The following CBFB variants were observed in gnomAD, a reference collection of about 807,000 sequenced individuals.
CBFB encodes the protein CBF-beta.
CBFB carries 9 observed loss-of-function variants against 30.4 expected under a neutral mutation model. The ratio of observed to expected loss-of-function variants is 0.30; its 90% CI spans 0.18 to 0.52. The LOEUF (loss-of-function observed/expected upper bound fraction) is 0.52. CBFB is among the 20% of genes least tolerant of loss of function. The probability of loss-of-function intolerance (pLI) is 0.97; values close to 1 mark genes in which losing one functional copy is unlikely to be tolerated. For missense variants in CBFB, 170 were observed against 244.0 expected (o/e 0.70, Z 2.02); for synonymous variants, 94 against 84.0 (o/e 1.12, Z -0.65).
At chr16:67,042,721 G>A (rs138657702) in intron 3 of CBFB, among the ~76,000 whole-genome samples, 16 of 152,218 alleles carry the variant, frequency 1.1e-4, no homozygotes, top group African/African-American at 3.9e-4. Context: ...AAAGAGTGAA[G>A]CCACCATGCC....
intron 3 of CBFB, among the ~76,000 whole-genome samples, chr16:67,041,900 CTTTT>C (rs577858550): frequency 1.8e-4 from 22 of 125,126 alleles, no homozygotes; most frequent in Admixed American, 1.6e-4. Context: ...TCCTGCCCTT[CTTTT>C]TTTTTTTTTT....
chr16:67,055,413 C>CT (rs1298027688), intron 3 of CBFB, among the ~76,000 whole-genome samples: 1 of 128,900 alleles, frequency 7.8e-6, no homozygotes, highest in Admixed American at 9.3e-5. Flanking sequence ...GTCGCCCAGG[C>CT]TGGAGTGCAG....
chr16:67,100,198 GGC>G lies in CBFB; in HGVS notation c.*1421_*1422del, dbSNP rs1962178629. On this transcript the variant is annotated 3_prime_UTR_variant, in exon 6 of 6. Transcript: ENST00000412916. The stretch of plus-strand genomic sequence containing the variant: ...TGAAAAATGTATTTTATCATTAAAT[GGC>G]ATTATTTTAAAGGGTGAAAAACTGA... The G allele has an allele frequency of 4.7e-6, 1 of 212,346 alleles. No homozygotes were observed. Among genetic ancestry groups the G allele is most frequent in the African/African-American group, 2.3e-5 (1 of 44,196 alleles). The allele number at this position is 212,346 out of a possible 1,614,324, so 13.2% of individuals were successfully genotyped here. A position where few individuals can be genotyped will look rare whatever the true frequency, so the allele number is the denominator to read the frequency against.
chr16:67,029,898 C>A, intron 2 of CBFB, 85 bp downstream of exon 2: 2 of 851,900 alleles, frequency 2.3e-6, no homozygotes, highest in Non-Finnish European at 3.3e-6. Context: ...GGCGGCGCGG[C>A]TGCTGCGGCT....
intron 5 of CBFB, among the ~76,000 whole-genome samples, chr16:67,093,950 G>T (rs1023727733): frequency 7.9e-5 from 12 of 152,110 alleles, no homozygotes; most frequent in African/African-American, 2.9e-4. Flanking sequence ...TTATTCAGCT[G>T]TTAAGTTCTA....
At chr16:67,072,084 A>G (rs540493599) in intron 4 of CBFB, among the ~76,000 whole-genome samples, 51 of 152,338 alleles carry the variant, frequency 3.3e-4, no homozygotes, top group Admixed American at 9.8e-4. Flanking sequence ...TATATCATTC[A>G]TAATGTAATA....
At position 67,092,698 on chromosome 16, in the gene CBFB, C is replaced by CTTT. The variant is rs777213321; in HGVS notation, c.496-5982_496-5980dup. Reference sequence around the variant, plus strand: ...CCAGGCTAGGTTACAGTGGTGCAATCTTTTTTTTTTTTTTTTTTTTTTTTT... The same window carrying CTTT: ...CCAGGCTAGGTTACAGTGGTGCAATCTTTTTTTTTTTTTTTTTTTTTTTTTTTT... On this transcript the variant is annotated intron_variant, in intron 5 of 5. Coordinates refer to ENST00000412916, the MANE Select transcript of CBFB (RefSeq NM_022845.3). Among the ~76,000 whole-genome samples, 101 of 33,530 alleles carry CTTT rather than the reference C, an allele frequency of 3.0e-3. 15 individuals are homozygous for CTTT. Among genetic ancestry groups the CTTT allele is most frequent in the African/African-American group, 6.4e-3 (56 of 8,720 alleles). 22.0% of individuals were successfully genotyped at this position (33,530 alleles called of 152,430 possible).
intron 5 of CBFB, chr16:67,093,738 A>G (rs935233197): frequency 1.3e-5 from 2 of 152,194 alleles, no homozygotes; most frequent in Admixed American, 1.3e-4. Context: ...CAATTCTGAA[A>G]TAACTGTTAC....
intron 4 of CBFB, among the ~76,000 whole-genome samples, chr16:67,072,820 G>A (rs1015789561): frequency 2.0e-4 from 31 of 151,526 alleles, no homozygotes; most frequent in Middle Eastern, 3.4e-3. Context: ...GCTCAGGCCA[G>A]AGTGCAGTGG....
chr16:67,066,595 C>T, intron 3 of CBFB, 87 bp from the exon 4 acceptor site: 1 of 675,038 alleles, frequency 1.5e-6, no homozygotes, highest in East Asian at 3.0e-5. Flanking sequence ...TTCATCTTTT[C>T]TACAGAGTTT....
At chr16:67,082,968 G>A (rs868801502) in intron 5 of CBFB, among the ~76,000 whole-genome samples, 5 of 152,046 alleles carry the variant, frequency 3.3e-5, no homozygotes, top group Non-Finnish European at 7.4e-5. Context: ...TTACAACCAC[G>A]GTTTGGTCAA....
chr16:67,083,391 G>C (rs1961627043), intron 5 of CBFB, among the ~76,000 whole-genome samples: 2 of 151,658 alleles, frequency 1.3e-5, no homozygotes, highest in Non-Finnish European at 2.9e-5. Flanking sequence ...TGCCTCCCAG[G>C]TTCAAGTGAT....
chr16:67,033,676 A>G (rs1966393718), intron 2 of CBFB, among the ~76,000 whole-genome samples: 1 of 147,774 alleles, frequency 6.8e-6, no homozygotes, highest in Admixed American at 6.7e-5. Flanking sequence ...CAGTGGCACG[A>G]TCTCGGCTCA....
At chr16:67,079,250 T>C (rs1961489648) in intron 4 of CBFB, among the ~76,000 whole-genome samples, 1 of 152,174 alleles carries the variant, frequency 6.6e-6, no homozygotes, top group African/African-American at 2.4e-5. Context: ...ATGCCTTTCT[T>C]ACATGTAAAT....
chr16:67,041,291 T>C (rs1415289331), intron 3 of CBFB, among the ~76,000 whole-genome samples: 1 of 152,208 alleles, frequency 6.6e-6, no homozygotes, highest in African/African-American at 2.4e-5. Context: ...GACAGACTCA[T>C]GCTAGCTGCT....
intron 5 of CBFB, among the ~76,000 whole-genome samples, chr16:67,091,772 G>A (rs568030063): frequency 5.9e-5 from 9 of 152,040 alleles, no homozygotes; most frequent in East Asian, 5.8e-4. Flanking sequence ...TGATACATGC[G>A]CAGAATGTGC....
intron 4 of CBFB, among the ~76,000 whole-genome samples, chr16:67,070,784 G>A (rs1228465127): frequency 2.0e-5 from 3 of 151,862 alleles, no homozygotes; most frequent in Non-Finnish European, 1.5e-5. Context: ...CCAGGAGGCT[G>A]AGATTGCAAT....
At position 67,029,811 on chromosome 16, in the gene CBFB, A is replaced by G; in HGVS notation, c.163A>G (p.Ile55Val). ...QNACRDGRSE[I>V]AFVATGTNLS... ...CGCCTGCCGCGACGGCCGCTCGGAAATCGTAAGTCGGCTGGCCCGGGGCGC... is the reference window on the plus strand; with the variant it reads ...CGCCTGCCGCGACGGCCGCTCGGAAGTCGTAAGTCGGCTGGCCCGGGGCGC... The change falls in exon 2 of 6, where the codon ATC becomes GTC. Residue 55 changes from isoleucine (I) to valine (V), a missense_variant and splice_region_variant. By Grantham distance (29) the Ile-to-Val change is conservative. Transcript: ENST00000412916. 1 of 1,585,564 alleles carries G rather than the reference A, an allele frequency of 6.3e-7. No homozygotes were observed. The highest frequency in any genetic ancestry group is 8.6e-7 in the Non-Finnish European group (1 of 1,168,180).
chr16:67,096,812 A>G (rs1962060746), intron 5 of CBFB, among the ~76,000 whole-genome samples: 1 of 151,470 alleles, frequency 6.6e-6, no homozygotes, highest in Non-Finnish European at 1.5e-5. Flanking sequence ...ATCTCTACTA[A>G]AAATACAAAA....
Sources: gnomAD v4.1 joint callset for allele counts (sites outside exome capture counted in the v4.1 genomes callset) on GRCh38, gnomAD v4.1.1 for gene constraint, MANE v1.5 for transcripts, NCBI Gene and HGNC (gene_info 2026-07-23, HGNC 2026-07-21) for gene names.